Variants in DAAM1 observed in about 807,000 individuals in gnomAD.
DAAM1 encodes the protein disheveled-associated activator of morphogenesis 1.
In DAAM1, 52 loss-of-function variants were observed where a neutral mutation model predicts 130.0. That is an observed-to-expected ratio of 0.40 (90% CI 0.32 to 0.50). The LOEUF (loss-of-function observed/expected upper bound fraction) is 0.50. DAAM1 is among the 20% of genes least tolerant of loss of function. The pLI is 0.61. For missense variants in DAAM1, 1,134 were observed against 1,303.8 expected, an observed-to-expected ratio of 0.87 and a Z score of 2.01; for synonymous variants, 452 against 444.5, an observed-to-expected ratio of 1.02 and a Z score of -0.21.
chr14:59,322,851 C>A, intron 5 of DAAM1, 41 bp from the exon 6 acceptor site: 1 of 1,525,208 alleles, frequency 6.6e-7, no homozygotes, highest in South Asian at 1.3e-5. Context: ...TATTATAAAA[C>A]CCAAAGGCAC....
intron 3 of DAAM1, among the ~76,000 whole-genome samples, chr14:59,312,701 T>G (rs1189611486): frequency 6.6e-6 from 1 of 152,118 alleles, no homozygotes; most frequent in Non-Finnish European, 1.5e-5. Flanking sequence ...GACCAGAAAT[T>G]TGGAATGAAA....
chr14:59,209,965 GAA>G (rs370959547), intron 1 of DAAM1, among the ~76,000 whole-genome samples: 1 of 148,152 alleles, frequency 6.7e-6, no homozygotes, highest in Non-Finnish European at 1.5e-5. Flanking sequence ...AAAAATTAAA[GAA>G]AAAAAAAATA....
intron 1 of DAAM1, among the ~76,000 whole-genome samples, chr14:59,255,730 A>T (rs904082643): frequency 4.1e-5 from 6 of 146,774 alleles, no homozygotes; most frequent in Non-Finnish European, 9.2e-5. Context: ...TGGTTGTGAC[A>T]TGAATTCTAT....
At chr14:59,306,757 A>G (rs1884394999) in intron 3 of DAAM1, among the ~76,000 whole-genome samples, 1 of 151,796 alleles carries the variant, frequency 6.6e-6, no homozygotes, top group African/African-American at 2.4e-5. Flanking sequence ...CAAATTCCTG[A>G]GGGGGATAGA....
At chr14:59,320,742 A>C (rs1260184592) in intron 5 of DAAM1, among the ~76,000 whole-genome samples, 158 bp downstream of exon 5, 1 of 152,124 alleles carries the variant, frequency 6.6e-6, no homozygotes, top group African/African-American at 2.4e-5. Context: ...TCTTCTGTGA[A>C]AAGGTATGTA....
intron 1 of DAAM1, among the ~76,000 whole-genome samples, chr14:59,233,342 G>A (rs538062333): frequency 4.7e-4 from 71 of 152,316 alleles, no homozygotes; most frequent in African/African-American, 1.7e-3. Context: ...TAACTGGCAA[G>A]AGATGGTATC....
Position 59,241,848 on chromosome 14 carries a change from C to T in DAAM1, c.-37-21593C>T, listed in dbSNP as rs532455844. Among the ~76,000 whole-genome samples, 242 of 152,242 alleles carry T rather than the reference C, an allele frequency of 1.6e-3. 2 individuals carry two copies. The highest frequency in any genetic ancestry group is 5.2e-3 in the African/African-American group (215 of 41,532). On this transcript the variant is annotated intron_variant, in intron 1 of 24. Coordinates refer to ENST00000360909, the MANE Select transcript of DAAM1 (RefSeq NM_001270520.2). ...TTTTATACTAATCCTAGATCCGGGG[C>T]TTATTTCTTCTGGCTTTCTTAAATC...
intron 3 of DAAM1, among the ~76,000 whole-genome samples, chr14:59,312,845 G>C (rs1328028937): frequency 6.6e-6 from 1 of 152,192 alleles, no homozygotes; most frequent in Non-Finnish European, 1.5e-5. Flanking sequence ...CTCTTTCCTA[G>C]TGAAGGGCTC....
chr14:59,217,632 T>C (rs1295105152), intron 1 of DAAM1, among the ~76,000 whole-genome samples: 3 of 151,836 alleles, frequency 2.0e-5, no homozygotes, highest in African/African-American at 7.3e-5. Flanking sequence ...AGGCCAGAAG[T>C]TCGAGGCCAA....
chr14:59,206,376 C>T (rs565405110), intron 1 of DAAM1, among the ~76,000 whole-genome samples: 93 of 152,048 alleles, frequency 6.1e-4, no homozygotes, highest in East Asian at 3.9e-3. Context: ...CCCAGGTTCA[C>T]GCCATTCTCC....
rs78097140 is a variant in DAAM1 at position 59,256,301 on chromosome 14, C to A, written c.-37-7140C>A. ...AGGTTGTTCTCCAATGTTTTATCAT[C>A]ATAATTATCATCATCCACATTCCCT... On this transcript the variant is annotated intron_variant, in intron 1 of 24. Coordinates refer to ENST00000360909, the MANE Select transcript of DAAM1 (RefSeq NM_001270520.2). Among the ~76,000 whole-genome samples, 597 of 152,268 alleles carry A rather than the reference C, an allele frequency of 3.9e-3. 5 individuals are homozygous for A. The highest frequency in any genetic ancestry group is 5.0e-3 in the Non-Finnish European group (340 of 68,020).
intron 2 of DAAM1, among the ~76,000 whole-genome samples, chr14:59,273,122 G>A (rs1049414720): frequency 6.6e-6 from 1 of 152,154 alleles, no homozygotes; most frequent in Non-Finnish European, 1.5e-5. Context: ...CAGTAAGATG[G>A]TCAAAATGAT....
chr14:59,307,530 G>A (rs1321791333), intron 3 of DAAM1, among the ~76,000 whole-genome samples: 1 of 152,144 alleles, frequency 6.6e-6, no homozygotes, highest in African/African-American at 2.4e-5. Context: ...CTGATTCTAC[G>A]TGATCTGAAA....
rs898286852 is a variant in DAAM1 at position 59,356,697 on chromosome 14, T to G, written c.2525+1364T>G. On this transcript the variant is annotated intron_variant, in intron 20 of 24. Coordinates refer to ENST00000360909, the MANE Select transcript of DAAM1 (RefSeq NM_001270520.2). ...AAAGAGCCTTTTTAAGGAAGGGCAT[T>G]CTCTTCAACTGTACACACACAAAAG... 2.0e-4 allele frequency among the ~76,000 whole-genome samples: 30 copies of G among 152,316 alleles called. No individual in the cohort carries two copies. In the South Asian group the frequency reaches 2.3e-3, roughly 12 times the overall value.
intron 1 of DAAM1, among the ~76,000 whole-genome samples, chr14:59,207,371 A>AC (rs1888291363): frequency 6.6e-6 from 1 of 152,204 alleles, no homozygotes; most frequent in African/African-American, 2.4e-5. Context: ...GAGCTGTGAG[A>AC]TAGTCTAGTC....
intron 3 of DAAM1, among the ~76,000 whole-genome samples, chr14:59,296,439 G>A (rs1047550770): frequency 3.9e-5 from 6 of 152,158 alleles, no homozygotes; most frequent in African/African-American, 1.4e-4. Flanking sequence ...AAACTAGACA[G>A]AGAATCTAGA....
rs17095959 is a variant in DAAM1, at chr14:59,256,740, C to T, written c.-37-6701C>T. Among the ~76,000 whole-genome samples the T allele has an allele frequency of 7.0e-3, 1,068 of 152,248 alleles. 14 individuals carry two copies. Among genetic ancestry groups the T allele is most frequent in the African/African-American group, 0.025 (1,029 of 41,542 alleles). The stretch of plus-strand genomic sequence containing the variant: ...CAGAAGCTATGCATTCCTTCTTCAT[C>T]GGACAGGAAAAGGACCAACTCCCCT... On this transcript the variant is annotated intron_variant, in intron 1 of 24. Coordinates refer to ENST00000360909, the MANE Select transcript of DAAM1 (RefSeq NM_001270520.2).
At chr14:59,196,168 A>G (rs1412901560) in intron 1 of DAAM1, among the ~76,000 whole-genome samples, 3 of 152,210 alleles carry the variant, frequency 2.0e-5, no homozygotes, top group African/African-American at 7.2e-5. Flanking sequence ...GCAGAATGAC[A>G]GATGCCATCA....
chr14:59,285,916 A>G (rs1458594671), intron 2 of DAAM1, among the ~76,000 whole-genome samples: 1 of 152,186 alleles, frequency 6.6e-6, no homozygotes, highest in African/African-American at 2.4e-5. Context: ...TGCTTGGCCA[A>G]TTGGACCTAA....
Sources: allele counts gnomAD v4.1 joint callset (sites outside exome capture counted in the v4.1 genomes callset), GRCh38; gene constraint gnomAD v4.1.1; transcripts MANE v1.5; gene names NCBI Gene and HGNC (gene_info 2026-07-23, HGNC 2026-07-21).